MAEL: variants seen among roughly 807,000 people sequenced by gnomAD.
MAEL encodes the protein protein maelstrom homolog.
In MAEL, 46 loss-of-function variants were observed where a neutral mutation model predicts 62.0. The ratio of observed to expected loss-of-function variants is 0.74; its 90% CI spans 0.59 to 0.95. The LOEUF (loss-of-function observed/expected upper bound fraction) is 0.95. Ranked by LOEUF, MAEL falls within the 40% of genes least tolerant of loss-of-function variation. The pLI is 0.00. For missense variants in MAEL, 497 were observed against 526.8 expected (o/e 0.94, Z 0.55); for synonymous variants, 172 against 175.5 (o/e 0.98, Z 0.16).
At chr1:166,992,470 G>A (rs192524296) in intron 3 of MAEL, among the ~76,000 whole-genome samples, 5 of 152,274 alleles carry the variant, frequency 3.3e-5, no homozygotes, top group African/African-American at 1.2e-4. Context: ...CATGCAAAGA[G>A]TGGTTACTTT....
At chr1:167,004,989 T>G in intron 6 of MAEL, 87 bp from the exon 7 acceptor site, 1 of 1,317,084 alleles carries the variant, frequency 7.6e-7, no homozygotes, top group Non-Finnish European at 1.1e-6. Flanking sequence ...CCCCCACATT[T>G]TGAAAGGACA....
chr1:167,011,935 A>G (rs1170460010), intron 8 of MAEL, among the ~76,000 whole-genome samples: 6 of 152,230 alleles, frequency 3.9e-5, no homozygotes, highest in Non-Finnish European at 4.4e-5. Context: ...GAGTAGCTCT[A>G]GTTTGAGACA....
chr1:166,984,368 C>T (rs569944395), upstream of MAEL, among the ~76,000 whole-genome samples: 6 of 152,216 alleles, frequency 3.9e-5, no homozygotes, highest in South Asian at 1.0e-3. Flanking sequence ...AAATAGAAAA[C>T]ATGACATGTT....
intron 8 of MAEL, among the ~76,000 whole-genome samples, chr1:167,015,753 A>T (rs897438993): frequency 6.6e-6 from 1 of 152,154 alleles, no homozygotes; most frequent in Non-Finnish European, 1.5e-5. Context: ...TTTTATTTTT[A>T]AATAAAGTTC....
chr1:166,980,914 C>G (rs1663741181), intron 1 of MAEL, among the ~76,000 whole-genome samples: 1 of 152,142 alleles, frequency 6.6e-6, no homozygotes, highest in Non-Finnish European at 1.5e-5. Context: ...GATTGTTTCT[C>G]AGAGCTCAGC....
chr1:166,981,395 G>T (rs1557967435), intron 1 of MAEL, among the ~76,000 whole-genome samples: 1 of 152,012 alleles, frequency 6.6e-6, no homozygotes, highest in African/African-American at 2.4e-5. Context: ...TAGACACTAT[G>T]CTATCTAGAA....
chr1:167,016,318 G>A, intron 9 of MAEL, 34 bp downstream of exon 9: 7 of 1,590,878 alleles, frequency 4.4e-6, no homozygotes, highest in South Asian at 1.1e-5. Flanking sequence ...TCATAATACT[G>A]TATTCTGATT....
At chr1:167,005,553 ATAT>A in intron 8 of MAEL, 156 bp downstream of exon 8, 1 of 633,426 alleles carries the variant, frequency 1.6e-6, no homozygotes, top group Non-Finnish European at 2.6e-6. Context: ...ATAGTAAGAT[ATAT>A]TGTTACTTGT....
At chr1:167,007,624 CTGTT>C (rs1218869003) in intron 8 of MAEL, among the ~76,000 whole-genome samples, 4 of 149,994 alleles carry the variant, frequency 2.7e-5, no homozygotes, top group African/African-American at 9.8e-5. Flanking sequence ...CCATATACAT[CTGTT>C]TGTAGCTAGG....
intron 5 of MAEL, among the ~76,000 whole-genome samples, chr1:167,002,288 A>T (rs959674870): frequency 2.1e-4 from 32 of 152,206 alleles, no homozygotes; most frequent in African/African-American, 7.2e-4. Flanking sequence ...AGATTTTAAG[A>T]TTTTGAATTT....
intron 5 of MAEL, among the ~76,000 whole-genome samples, chr1:166,999,610 A>G (rs1346772300): frequency 1.3e-5 from 2 of 152,250 alleles, no homozygotes; most frequent in Non-Finnish European, 2.9e-5. Flanking sequence ...CAGAGGATCT[A>G]GCAAAGATAA....
intron 6 of MAEL, 86 bp from the exon 7 acceptor site, chr1:167,004,990 T>C: frequency 7.5e-7 from 1 of 1,335,422 alleles, no homozygotes; most frequent in South Asian, 1.3e-5. Flanking sequence ...CCCCACATTT[T>C]GAAAGGACAG....
At chr1:167,017,348 C>A (rs1050947838) in intron 9 of MAEL, among the ~76,000 whole-genome samples, 5 of 152,184 alleles carry the variant, frequency 3.3e-5, no homozygotes, top group Non-Finnish European at 5.9e-5. Context: ...CCTCTCCTAG[C>A]AATATGGGTG....
At chr1:167,019,437 G>A (rs986821234) in intron 10 of MAEL, among the ~76,000 whole-genome samples, 3 of 151,938 alleles carry the variant, frequency 2.0e-5, no homozygotes, top group African/African-American at 7.3e-5. Flanking sequence ...CACCTTATTT[G>A]GCTGGTCCTA....
chr1:167,012,264 T>C (rs1665197687), intron 8 of MAEL: 1 of 152,224 alleles, frequency 6.6e-6, no homozygotes, highest in South Asian at 2.1e-4. Flanking sequence ...AGATTTTGTA[T>C]TGGTGAAATT....
intron 5 of MAEL, among the ~76,000 whole-genome samples, chr1:167,003,975 A>C (rs909644243): frequency 1.3e-5 from 2 of 152,182 alleles, no homozygotes; most frequent in Non-Finnish European, 2.9e-5. Flanking sequence ...TCATACACAC[A>C]CAGACACACA....
At position 166,993,063 on chromosome 1, in the gene MAEL, T is replaced by G. The variant is rs867335721; in HGVS notation, c.481+222T>G. Among the ~76,000 whole-genome samples, 19 of 152,314 alleles carry G rather than the reference T, an allele frequency of 1.2e-4. No individual in the cohort carries two copies. The Middle Eastern group carries it at 0.02, about 164-fold the overall frequency. On this transcript the variant is annotated intron_variant, in intron 4 of 11. Transcript: ENST00000367872. ...ACCTCAAGTTACCATTAAAATCAGA[T>G]GGATAGACTATCTGAACAATTCATA...
intron 4 of MAEL, 114 bp downstream of exon 4, chr1:166,992,955 TA>T (rs1300352026): frequency 3.9e-5 from 34 of 863,306 alleles, no homozygotes; most frequent in Non-Finnish European, 5.3e-5. Flanking sequence ...GCTGTGTTCT[TA>T]ATGTAACAAG....
At chr1:166,998,956 C>A (rs1227962629) in intron 5 of MAEL, among the ~76,000 whole-genome samples, 1 of 152,126 alleles carries the variant, frequency 6.6e-6, no homozygotes, top group Admixed American at 6.5e-5. Flanking sequence ...ATGAACCATG[C>A]CCATATAAGA....
Sources: allele counts gnomAD v4.1 joint callset (sites outside exome capture counted in the v4.1 genomes callset), GRCh38; gene constraint gnomAD v4.1.1; transcripts MANE v1.5; gene names NCBI Gene and HGNC (gene_info 2026-07-23, HGNC 2026-07-21).